XPA: variants seen among roughly 807,000 people sequenced by gnomAD.
The protein encoded by XPA is DNA repair protein complementing XP-A cells.
A neutral mutation model predicts 35.7 loss-of-function variants in XPA; 27 were observed. The observed-to-expected ratio is 0.76, with a 90% CI of 0.56 to 1.04. The LOEUF (loss-of-function observed/expected upper bound fraction) is 1.04. XPA is among the 50% of genes least tolerant of loss of function. The pLI is 0.00. For synonymous variants in XPA, 133 were observed against 118.4 expected (o/e 1.12, Z -0.80); for missense variants, 354 against 342.7 (o/e 1.03, Z -0.26).
the XPA span, among the ~76,000 whole-genome samples, chr9:97,659,926 C>T: frequency 6.6e-6 from 1 of 152,074 alleles, no homozygotes; most frequent in Non-Finnish European, 1.5e-5. Context: ...TTATTTTTTC[C>T]ATACTCCCTG....
the XPA span, among the ~76,000 whole-genome samples, chr9:97,667,825 G>T: frequency 6.6e-6 from 1 of 152,150 alleles, no homozygotes; most frequent in African/African-American, 2.4e-5. Context: ...GGTTGCGGTC[G>T]TAACAGGCTG....
the XPA span, chr9:97,662,072 T>C: frequency 8.1e-6 from 13 of 1,613,646 alleles, no homozygotes; most frequent in South Asian, 1.1e-5. Context: ...CCATTGAAAA[T>C]AGAAGTCTTT....
chr9:97,671,385 C>T (rs886804288), downstream of XPA: 14 of 532,766 alleles, frequency 2.6e-5, no homozygotes, highest in East Asian at 1.3e-4. Flanking sequence ...TACTTCCTAA[C>T]GGCAGTAATG....
At chr9:97,667,117 A>G in the XPA span, among the ~76,000 whole-genome samples, 1 of 152,180 alleles carries the variant, frequency 6.6e-6, no homozygotes, top group Non-Finnish European at 1.5e-5. Context: ...TTCACTTCCC[A>G]TAGTTCACTA....
chr9:97,663,515 C>T, the XPA span, among the ~76,000 whole-genome samples: 1 of 151,916 alleles, frequency 6.6e-6, no homozygotes, highest in Non-Finnish European at 1.5e-5. Context: ...GACAGAGTCT[C>T]ACTCTGTCAC....
downstream of XPA, chr9:97,674,792 A>ACAAT (rs750886514): frequency 2.6e-6 from 1 of 382,514 alleles, no homozygotes; most frequent in Non-Finnish European, 5.1e-6. Flanking sequence ...TCTTTGATCA[A>ACAAT]CAATCAGATA....
intron 5 of XPA, among the ~76,000 whole-genome samples, chr9:97,679,088 G>A (rs1828458836): frequency 6.6e-6 from 1 of 152,112 alleles, no homozygotes; most frequent in Non-Finnish European, 1.5e-5. Context: ...ACTAGAATAT[G>A]GAGGGCAGAT....
chr9:97,682,237 G>C (rs1191807536), intron 5 of XPA: 1 of 514,148 alleles, frequency 1.9e-6, no homozygotes, highest in Non-Finnish European at 3.9e-6. Context: ...GCTTCTTTGT[G>C]GATCAAAATC....
Position 97,675,595 on chromosome 9 carries a change from A to G in XPA, c.674-8T>C. On this transcript the variant is annotated splice_region_variant and splice_polypyrimidine_tract_variant and intron_variant, in intron 5 of 5. Coordinates refer to ENST00000375128, the MANE Select transcript of XPA (RefSeq NM_000380.4). Reference sequence around the variant, plus strand: ...TTACTGCTCGCCGCAATTCTGAAAAAAAAATTTTAAAGTCATCTTTTCAGT... The same window carrying G: ...TTACTGCTCGCCGCAATTCTGAAAAGAAAATTTTAAAGTCATCTTTTCAGT... The G allele has an allele frequency of 6.2e-7, 1 of 1,613,946 alleles. No homozygotes were observed. The highest frequency in any genetic ancestry group is 8.5e-7 in the Non-Finnish European group (1 of 1,179,888).
the XPA span, chr9:97,662,989 A>G: frequency 2.5e-6 from 4 of 1,613,304 alleles, no homozygotes; most frequent in Non-Finnish European, 3.4e-6. Flanking sequence ...GCTGAAAGTG[A>G]TGAAGGAAAG....
chr9:97,693,108 T>C (rs76912318), intron 2 of XPA, among the ~76,000 whole-genome samples: 1 of 151,840 alleles, frequency 6.6e-6, no homozygotes. Context: ...GCCAAACTTA[T>C]GAACAAATAA....
At chr9:97,694,124 A>C (rs1322659071) in intron 1 of XPA, among the ~76,000 whole-genome samples, 1 of 152,262 alleles carries the variant, frequency 6.6e-6, no homozygotes, top group African/African-American at 2.4e-5. Context: ...AAAGGACTTA[A>C]ATGGAGAAAT....
chr9:97,680,054 T>C (rs1345550484), intron 5 of XPA, among the ~76,000 whole-genome samples: 1 of 152,198 alleles, frequency 6.6e-6, no homozygotes, highest in Non-Finnish European at 1.5e-5. Context: ...GCTATCAATA[T>C]GCATCATCCT....
intron 3 of XPA, 66 bp from the exon 4 acceptor site, chr9:97,687,327 C>A: frequency 6.9e-7 from 1 of 1,440,248 alleles, no homozygotes; most frequent in South Asian, 1.3e-5. Context: ...GCAAATAGCC[C>A]AGCAACTTAG....
chr9:97,684,515 G>C (rs1828648839), intron 5 of XPA, among the ~76,000 whole-genome samples: 1 of 152,154 alleles, frequency 6.6e-6, no homozygotes, highest in South Asian at 2.1e-4. Flanking sequence ...CCTTCTAGCT[G>C]CTGAATTAGA....
chr9:97,677,046 T>C (rs1371350345), intron 5 of XPA, among the ~76,000 whole-genome samples: 1 of 151,888 alleles, frequency 6.6e-6, no homozygotes, highest in Non-Finnish European at 1.5e-5. Flanking sequence ...AGATGTTGCC[T>C]ACTTGAATTC....
At chr9:97,695,808 T>C (rs77171381) in intron 1 of XPA, among the ~76,000 whole-genome samples, 56 of 152,282 alleles carry the variant, frequency 3.7e-4, no homozygotes, top group African/African-American at 1.3e-3. Context: ...TGAAACATGG[T>C]GGGTTGTACA....
At chr9:97,670,910 C>G (rs1798171547), downstream of XPA, among the ~76,000 whole-genome samples, 1 of 152,050 alleles carries the variant, frequency 6.6e-6, no homozygotes, top group Non-Finnish European at 1.5e-5. Flanking sequence ...TTTCATTTCC[C>G]TTTTTATTTT....
chr9:97,689,434 T>C (rs1828816002), intron 3 of XPA, 100 bp downstream of exon 3: 1 of 787,204 alleles, frequency 1.3e-6, no homozygotes, highest in Non-Finnish European at 2.1e-6. Context: ...ATGAAATTCA[T>C]AATTACTAAG....
Sources: gnomAD v4.1 joint callset for allele counts (sites outside exome capture counted in the v4.1 genomes callset) on GRCh38, gnomAD v4.1.1 for gene constraint, MANE v1.5 for transcripts, NCBI Gene and HGNC (gene_info 2026-07-23, HGNC 2026-07-21) for gene names.